The following NLGN1 variants were observed in gnomAD, a reference collection of about 807,000 sequenced individuals.
NLGN1 encodes the protein neuroligin-1.
Under a neutral mutation model 65.5 loss-of-function variants are expected in NLGN1, and 12 were observed. That is an observed-to-expected ratio of 0.18 (90% CI 0.12 to 0.30). The LOEUF (loss-of-function observed/expected upper bound fraction) is 0.30, where lower values mean the gene tolerates loss of function less well. Among genes scored for constraint, NLGN1 ranks in the 10% least tolerant of loss-of-function variants. The pLI is 1.00. For synonymous variants in NLGN1, 350 were observed against 359.5 expected (o/e 0.97, Z 0.30); for missense variants, 750 against 1,007.1 (o/e 0.74, Z 3.46).
intron 2 of NLGN1, among the ~76,000 whole-genome samples, chr3:173,539,150 T>G (rs1269000721): frequency 6.6e-6 from 1 of 151,712 alleles, no homozygotes; most frequent in Non-Finnish European, 1.5e-5. Flanking sequence ...GGTGCTACAT[T>G]TGTCCACTTT....
intron 4 of NLGN1, among the ~76,000 whole-genome samples, chr3:174,033,198 A>G (rs146534107): frequency 1.3e-5 from 2 of 152,216 alleles, no homozygotes; most frequent in African/African-American, 4.8e-5. Flanking sequence ...CAAGACACAG[A>G]CTTTCTCTGA....
chr3:174,292,420 C>T, the NLGN1 span, among the ~76,000 whole-genome samples: 1 of 151,122 alleles, frequency 6.6e-6, no homozygotes, highest in East Asian at 1.9e-4. Flanking sequence ...CAAAGATGAT[C>T]TCACTATCTA....
intron 4 of NLGN1, among the ~76,000 whole-genome samples, chr3:174,207,880 C>T (rs1298299677): frequency 1.3e-5 from 2 of 152,184 alleles, no homozygotes; most frequent in African/African-American, 4.8e-5. Context: ...ATGAATTTCT[C>T]TTAATTGAAA....
At chr3:173,740,063 C>T (rs1774403013) in intron 3 of NLGN1, among the ~76,000 whole-genome samples, 1 of 152,042 alleles carries the variant, frequency 6.6e-6, no homozygotes, top group Admixed American at 6.6e-5. Context: ...AGGAAACAAA[C>T]CTTAGTTTAA....
chr3:173,476,609 G>A (rs1726259375), intron 2 of NLGN1, among the ~76,000 whole-genome samples: 1 of 152,140 alleles, frequency 6.6e-6, no homozygotes, highest in Admixed American at 6.6e-5. Context: ...TGAGACTGAA[G>A]AAGTAAGGCC....
At chr3:174,242,538 T>G (rs1377437301) in intron 4 of NLGN1, among the ~76,000 whole-genome samples, 2 of 150,488 alleles carry the variant, frequency 1.3e-5, no homozygotes, top group African/African-American at 4.9e-5. Flanking sequence ...CAGCATTAGA[T>G]TCTCATAGGA....
At chr3:173,739,108 A>G (rs997975947) in intron 3 of NLGN1, among the ~76,000 whole-genome samples, 1 of 151,982 alleles carries the variant, frequency 6.6e-6, no homozygotes, top group African/African-American at 2.4e-5. Context: ...GATGGCACAA[A>G]CAAAAGCTCC....
chr3:174,254,891 A>G (rs929576967), intron 4 of NLGN1, among the ~76,000 whole-genome samples: 24 of 152,182 alleles, frequency 1.6e-4, no homozygotes, highest in Non-Finnish European at 3.4e-4. Flanking sequence ...TCATTAACTA[A>G]TTCTCCCTTG....
intron 2 of NLGN1, among the ~76,000 whole-genome samples, chr3:173,489,886 T>C (rs1381319069): frequency 6.6e-6 from 1 of 152,180 alleles, no homozygotes; most frequent in Non-Finnish European, 1.5e-5. Context: ...ATGTCTTCTT[T>C]TGAGAAGTGT....
intron 4 of NLGN1, among the ~76,000 whole-genome samples, chr3:173,823,928 AAAAC>A (rs897815663): frequency 2.6e-5 from 4 of 151,642 alleles, no homozygotes; most frequent in East Asian, 1.9e-4. Flanking sequence ...TTAAAAAAAA[AAAAC>A]AAATCTTTTT....
At chr3:173,553,148 C>T (rs1273267754) in intron 2 of NLGN1, among the ~76,000 whole-genome samples, 2 of 152,138 alleles carry the variant, frequency 1.3e-5, no homozygotes, top group South Asian at 2.1e-4. Flanking sequence ...TTGGAGGATT[C>T]GCCTTGAAAA....
intron 2 of NLGN1, among the ~76,000 whole-genome samples, chr3:173,480,811 T>G (rs1354274038): frequency 6.6e-6 from 1 of 152,086 alleles, no homozygotes; most frequent in Non-Finnish European, 1.5e-5. Context: ...CTATCTAGAC[T>G]GTAGCCAAAC....
At chr3:173,649,105 A>T (rs771087114) in intron 3 of NLGN1, among the ~76,000 whole-genome samples, 1 of 152,208 alleles carries the variant, frequency 6.6e-6, no homozygotes, top group Non-Finnish European at 1.5e-5. Flanking sequence ...TATTAAAATA[A>T]TTATGCTGAA....
intron 4 of NLGN1, among the ~76,000 whole-genome samples, chr3:173,935,306 A>G (rs994858847): frequency 2.5e-4 from 38 of 152,064 alleles, no homozygotes; most frequent in African/African-American, 8.0e-4. Context: ...ACAGCTAAAA[A>G]TATCAGAGAT....
intron 4 of NLGN1, among the ~76,000 whole-genome samples, chr3:174,155,920 T>G (rs1725359255): frequency 6.6e-6 from 1 of 151,970 alleles, no homozygotes; most frequent in Non-Finnish European, 1.5e-5. Context: ...ATTTGTTTCC[T>G]TACAAGTGTT....
At chr3:173,622,240 C>T (rs1198155071) in intron 3 of NLGN1, among the ~76,000 whole-genome samples, 1 of 152,002 alleles carries the variant, frequency 6.6e-6, no homozygotes, top group Non-Finnish European at 1.5e-5. Context: ...ACAGACTCAG[C>T]TTGTTTTTTG....
rs114822967 is a variant in NLGN1, at chr3:173,625,115, C to T, written c.493+20024C>T. Among the ~76,000 whole-genome samples the T allele has an allele frequency of 2.8e-3, 431 of 152,148 alleles. 1 individual carries two copies. Among genetic ancestry groups the T allele is most frequent in the African/African-American group, 0.01 (417 of 41,512 alleles). On this transcript the variant is annotated intron_variant, in intron 3 of 6. Transcript: ENST00000457714. ...TATAATACATTTAAACAGTACTTAG[C>T]TGAGTTTGAGTCATCAAGGAACTGG... is the stretch of plus-strand genomic sequence containing the variant.
intron 2 of NLGN1, among the ~76,000 whole-genome samples, chr3:173,557,643 A>G (rs1371854386): frequency 3.3e-5 from 5 of 152,034 alleles, no homozygotes; most frequent in Admixed American, 2.0e-4. Flanking sequence ...TAAATTCTTA[A>G]CTCATCACAG....
intron 3 of NLGN1, among the ~76,000 whole-genome samples, chr3:173,652,161 G>A (rs1759299228): frequency 6.6e-6 from 1 of 152,054 alleles, no homozygotes; most frequent in African/African-American, 2.4e-5. Flanking sequence ...ATAAATTTTG[G>A]ATATTAGTCC....
Sources: allele counts gnomAD v4.1 joint callset (sites outside exome capture counted in the v4.1 genomes callset), GRCh38; gene constraint gnomAD v4.1.1; transcripts MANE v1.5; gene names NCBI Gene and HGNC (gene_info 2026-07-23, HGNC 2026-07-21).